Variants in CTNNA3 observed in about 807,000 individuals in gnomAD.
CTNNA3 encodes the protein catenin alpha 3.
A neutral mutation model predicts 95.7 loss-of-function variants in CTNNA3; 76 were observed. The ratio of observed to expected loss-of-function variants is 0.79; its 90% CI spans 0.66 to 0.96. The LOEUF (loss-of-function observed/expected upper bound fraction) is 0.96. Ranked by LOEUF, CTNNA3 falls within the 40% of genes least tolerant of loss-of-function variation. CTNNA3 has a pLI of 0.00. For synonymous variants in CTNNA3, 431 were observed against 374.4 expected, an observed-to-expected ratio of 1.15 and a Z score of -1.74; for missense variants, 1,191 against 1,089.8, an observed-to-expected ratio of 1.09 and a Z score of -1.31.
intron 11 of CTNNA3, among the ~76,000 whole-genome samples, chr10:66,438,523 C>T (rs145645517): frequency 8.1e-4 from 124 of 152,258 alleles, no homozygotes; most frequent in African/African-American, 2.9e-3. Context: ...CTACTCAAGC[C>T]TCAGTAATGG....
chr10:67,481,385 A>C (rs1041497419), intron 5 of CTNNA3, among the ~76,000 whole-genome samples: 1 of 152,036 alleles, frequency 6.6e-6, no homozygotes, highest in Non-Finnish European at 1.5e-5. Flanking sequence ...AACCCTAAAG[A>C]CTCTATCTAA....
chr10:67,596,522 C>T (rs983458916), intron 3 of CTNNA3, among the ~76,000 whole-genome samples: 5 of 152,168 alleles, frequency 3.3e-5, no homozygotes, highest in Admixed American at 6.5e-5. Flanking sequence ...GCTTATGAAG[C>T]TTAGTTTGAC....
At chr10:67,728,949 G>C (rs1159178598) in intron 1 of CTNNA3, among the ~76,000 whole-genome samples, 1 of 152,062 alleles carries the variant, frequency 6.6e-6, no homozygotes. Context: ...GTTTTCTAGA[G>C]GAAATGATGC....
At chr10:67,586,206 T>A (rs992737684) in intron 3 of CTNNA3, among the ~76,000 whole-genome samples, 1 of 148,420 alleles carries the variant, frequency 6.7e-6, no homozygotes, top group Non-Finnish European at 1.5e-5. Flanking sequence ...TGATTTCAAT[T>A]TTTTTTAATT....
intron 4 of CTNNA3, among the ~76,000 whole-genome samples, chr10:67,522,212 C>A (rs1009086843): frequency 6.6e-6 from 1 of 152,062 alleles, no homozygotes; most frequent in Admixed American, 6.6e-5. Flanking sequence ...AACAAAAGAG[C>A]ATACTTCATT....
intron 3 of CTNNA3, among the ~76,000 whole-genome samples, chr10:67,574,218 G>T (rs1842067008): frequency 6.6e-6 from 1 of 152,088 alleles, no homozygotes; most frequent in Admixed American, 6.5e-5. Context: ...TTTGATTTTA[G>T]ATCTTCTGGT....
At chr10:67,196,243 A>T (rs1564963221) in intron 6 of CTNNA3, among the ~76,000 whole-genome samples, 1 of 152,190 alleles carries the variant, frequency 6.6e-6, no homozygotes, top group East Asian at 1.9e-4. Flanking sequence ...TATAAAAAAA[A>T]TTTTAAGAAG....
chr10:66,857,551 T>G (rs1366900328), intron 7 of CTNNA3, among the ~76,000 whole-genome samples: 1 of 152,098 alleles, frequency 6.6e-6, no homozygotes, highest in Non-Finnish European at 1.5e-5. Context: ...CATAGGATGT[T>G]TTTCCATTTG....
At chr10:67,500,980 G>A (rs893151508) in intron 5 of CTNNA3, among the ~76,000 whole-genome samples, 3 of 152,198 alleles carry the variant, frequency 2.0e-5, no homozygotes, top group East Asian at 1.9e-4. Context: ...GGTTAATATT[G>A]TTATGTGTCA....
intron 13 of CTNNA3, among the ~76,000 whole-genome samples, chr10:66,199,553 G>C (rs1048087383): frequency 1.3e-5 from 2 of 150,830 alleles, no homozygotes; most frequent in African/African-American, 2.4e-5. Flanking sequence ...AAAACTATCA[G>C]ACATATTATC....
chr10:67,281,811 T>C (rs1472684129), intron 5 of CTNNA3, among the ~76,000 whole-genome samples: 1 of 152,160 alleles, frequency 6.6e-6, no homozygotes, highest in Non-Finnish European at 1.5e-5. Flanking sequence ...ATGAATCAAA[T>C]TCAATTTATC....
intron 12 of CTNNA3, among the ~76,000 whole-genome samples, chr10:66,309,906 A>AAAATAAATAAATAAAT (rs140451350): frequency 1.5e-5 from 2 of 135,846 alleles, no homozygotes; most frequent in Admixed American, 7.5e-5. Flanking sequence ...AAAGATACAA[A>AAAATAAATAAATAAAT]AAATAAATAA....
intron 12 of CTNNA3, among the ~76,000 whole-genome samples, chr10:66,350,726 C>T (rs2092560736): frequency 6.6e-6 from 1 of 151,878 alleles, no homozygotes; most frequent in Non-Finnish European, 1.5e-5. Flanking sequence ...ATTCCAGTAG[C>T]TGAATGGTTT....
chr10:67,239,431 T>A (rs74477265), intron 5 of CTNNA3, among the ~76,000 whole-genome samples: 1 of 151,346 alleles, frequency 6.6e-6, no homozygotes, highest in African/African-American at 2.4e-5. Context: ...GTGAAGTTCA[T>A]ACTCAGGCAA....
At chr10:67,009,456 A>T (rs1852192103) in intron 7 of CTNNA3, among the ~76,000 whole-genome samples, 1 of 152,004 alleles carries the variant, frequency 6.6e-6, no homozygotes, top group Admixed American at 6.6e-5. Flanking sequence ...CTCCTGATAT[A>T]CATAACCTCT....
chr10:66,809,020 T>C (rs1043993908), intron 7 of CTNNA3, among the ~76,000 whole-genome samples: 1 of 152,204 alleles, frequency 6.6e-6, no homozygotes, highest in African/African-American at 2.4e-5. Context: ...TTGTCAGCAT[T>C]GGTTACCTCC....
In CTNNA3 at chr10:66,713,781, T is replaced by C. The variant is rs1385396984; in HGVS notation, c.1281+52483A>G. On this transcript the variant is annotated intron_variant, in intron 9 of 17. Coordinates refer to ENST00000433211, the MANE Select transcript of CTNNA3 (RefSeq NM_013266.4). ...TCCTCCCAATAAAACCCTCCAGTAA[T>C]ATCCCATTTAATTTTTGGCTTGGCT... is the stretch of plus-strand genomic sequence containing the variant. 2.0e-5 allele frequency among the ~76,000 whole-genome samples: 3 copies of C among 152,176 alleles called. No individual in the cohort carries two copies. In the South Asian group the frequency reaches 6.2e-4, roughly 32 times the overall value.
intron 5 of CTNNA3, among the ~76,000 whole-genome samples, chr10:67,374,382 G>A (rs1843611973): frequency 6.6e-6 from 1 of 151,540 alleles, no homozygotes; most frequent in Admixed American, 6.6e-5. Context: ...GTTGAACCTT[G>A]AAAGGTATGT....
chr10:67,304,281 C>T (rs1840448401), intron 5 of CTNNA3, among the ~76,000 whole-genome samples: 2 of 152,126 alleles, frequency 1.3e-5, no homozygotes, highest in Admixed American at 1.3e-4. Context: ...TTGTCAAACC[C>T]ATCTCTCCAT....
Sources: allele counts gnomAD v4.1 joint callset (sites outside exome capture counted in the v4.1 genomes callset), GRCh38; gene constraint gnomAD v4.1.1; transcripts MANE v1.5; gene names NCBI Gene and HGNC (gene_info 2026-07-23, HGNC 2026-07-21).